Variants in MYOM2 observed in about 807,000 individuals in gnomAD.
The protein encoded by MYOM2 is myomesin 2.
MYOM2 carries 254 observed loss-of-function variants against 187.6 expected under a neutral mutation model. That is an observed-to-expected ratio of 1.35 (90% CI 1.22 to 1.50). The LOEUF is 1.50. Among genes scored for constraint, MYOM2 ranks in the 40% most tolerant of loss-of-function variants. MYOM2 has a pLI of 0.00. For missense variants in MYOM2, 2,796 were observed against 1,924.0 expected (o/e 1.45, Z -8.48); for synonymous variants, 981 against 753.8 (o/e 1.30, Z -4.94).
intron 6 of MYOM2, among the ~76,000 whole-genome samples, chr8:2,066,585 A>C (rs917801998): frequency 2.6e-5 from 4 of 152,204 alleles, no homozygotes; most frequent in African/African-American, 9.7e-5. Flanking sequence ...GTAAACAAAC[A>C]AACAAAATGC....
At chr8:2,121,024 T>G (rs1797435680) in intron 28 of MYOM2, among the ~76,000 whole-genome samples, 1 of 152,038 alleles carries the variant, frequency 6.6e-6, no homozygotes, top group African/African-American at 2.4e-5. Flanking sequence ...GAAGTGGTCT[T>G]TAGAAGTCTT....
chr8:2,128,415 T>G (rs1482670803), intron 31 of MYOM2, among the ~76,000 whole-genome samples: 5 of 152,226 alleles, frequency 3.3e-5, no homozygotes, highest in Admixed American at 6.5e-5. Context: ...TAAATCTAGT[T>G]TTCTAGGTAA....
chr8:2,077,005 A>G (rs1819447867), intron 11 of MYOM2, among the ~76,000 whole-genome samples: 1 of 152,142 alleles, frequency 6.6e-6, no homozygotes, highest in African/African-American at 2.4e-5. Context: ...TAGAAATTAG[A>G]CAGAGAGTAA....
intron 21 of MYOM2, among the ~76,000 whole-genome samples, chr8:2,104,848 C>T (rs925908563): frequency 1.3e-5 from 2 of 152,158 alleles, no homozygotes; most frequent in Non-Finnish European, 2.9e-5. Context: ...TTTAACCAAC[C>T]AGCAGCCGTG....
rs756164525 is a variant in MYOM2 at position 2,078,691 on chromosome 8, C to G, written c.1263-43C>G. The G allele has an allele frequency of 3.8e-6, 6 of 1,592,774 alleles. No individual in the cohort carries two copies. The South Asian group carries it at 6.6e-5, about 18-fold the overall frequency. On this transcript the variant is annotated intron_variant, in intron 11 of 36. Coordinates refer to ENST00000262113, the MANE Select transcript of MYOM2 (RefSeq NM_003970.4). ...TACCTATGTATATTTAGTAGGTTGC[C>G]ACATTTGCTATTCTCTGTTGTTTTT...
intron 32 of MYOM2, among the ~76,000 whole-genome samples, chr8:2,134,257 C>T (rs980510391): frequency 2.6e-5 from 4 of 152,030 alleles, no homozygotes; most frequent in African/African-American, 7.3e-5. Flanking sequence ...AGGCTCTCCT[C>T]GTCTCTCTCG....
intron 11 of MYOM2, among the ~76,000 whole-genome samples, chr8:2,077,591 T>C (rs1024897619): frequency 2.0e-5 from 3 of 152,148 alleles, no homozygotes; most frequent in Non-Finnish European, 4.4e-5. Context: ...GTTCCGGGCT[T>C]ACCTTGAATT....
At chr8:2,135,863 C>T (rs1798050974) in intron 32 of MYOM2, among the ~76,000 whole-genome samples, 1 of 152,152 alleles carries the variant, frequency 6.6e-6, no homozygotes, top group African/African-American at 2.4e-5. Context: ...TTTTTGAGCA[C>T]TAGGACGTGT....
intron 24 of MYOM2, 29 bp from the exon 25 acceptor site, chr8:2,109,366 T>C (rs1420648640): frequency 2.5e-6 from 4 of 1,581,540 alleles, no homozygotes; most frequent in Non-Finnish European, 3.4e-6. Context: ...TCATGCATTA[T>C]TGACTTGCGA....
chr8:2,092,787 G>C (rs1461244028), intron 16 of MYOM2, among the ~76,000 whole-genome samples: 1 of 152,090 alleles, frequency 6.6e-6, no homozygotes, highest in East Asian at 1.9e-4. Flanking sequence ...GACATAATTA[G>C]CACTTAGGCC....
chr8:2,078,935 T>C lies in MYOM2; in HGVS notation c.1462+2T>C. 2 of 1,613,350 alleles carry C rather than the reference T, an allele frequency of 1.2e-6. No individual in the cohort carries two copies. Among genetic ancestry groups the C allele is most frequent in the Non-Finnish European group, 1.7e-6 (2 of 1,179,566 alleles). ...CCTTGGACCTCAGAAGGTTACAAGG[T>C]AAGCTGCTCACGCCTAAGTATCCAC... On this transcript the variant is annotated splice_donor_variant, in intron 12 of 36. Transcript: ENST00000262113. LOFTEE classifies it high-confidence loss of function.
At chr8:2,130,363 G>A (rs1482617461) in intron 32 of MYOM2, among the ~76,000 whole-genome samples, 4 of 109,248 alleles carry the variant, frequency 3.7e-5, no homozygotes, top group East Asian at 6.8e-4. Flanking sequence ...TTTAGTTAAC[G>A]CCCCTCACTA....
At chr8:2,058,946 C>G (rs1298505428) in intron 5 of MYOM2, among the ~76,000 whole-genome samples, 1 of 152,226 alleles carries the variant, frequency 6.6e-6, no homozygotes, top group Admixed American at 6.5e-5. Flanking sequence ...CCCTGAGAGT[C>G]TGAACGAGGA....
chr8:2,095,884 G>A (rs1055780591), intron 17 of MYOM2, among the ~76,000 whole-genome samples: 4 of 152,190 alleles, frequency 2.6e-5, no homozygotes, highest in Non-Finnish European at 5.9e-5. Context: ...CCTTATGGTT[G>A]TAAAAGTGAA....
At chr8:2,088,172 C>G (rs1796161819) in intron 14 of MYOM2, among the ~76,000 whole-genome samples, 1 of 152,050 alleles carries the variant, frequency 6.6e-6, no homozygotes, top group African/African-American at 2.4e-5. Flanking sequence ...ATACGCTGCA[C>G]CATATTTGTT....
intron 32 of MYOM2, among the ~76,000 whole-genome samples, chr8:2,133,648 A>G (rs1287584390): frequency 6.6e-6 from 1 of 152,102 alleles, no homozygotes; most frequent in African/African-American, 2.4e-5. Flanking sequence ...TTTAGTAGAG[A>G]TGGGGTTTCA....
intron 20 of MYOM2, chr8:2,102,223 T>C (rs1229148139): frequency 6.5e-6 from 1 of 154,806 alleles, no homozygotes; most frequent in African/African-American, 2.4e-5. Context: ...TAAATATATA[T>C]AGATGTTTAT....
intron 8 of MYOM2, among the ~76,000 whole-genome samples, chr8:2,070,302 G>A (rs1373727914): frequency 1.3e-5 from 2 of 152,388 alleles, no homozygotes; most frequent in Non-Finnish European, 1.5e-5. Context: ...TCTGGGCCAC[G>A]TGCTGGGAGT....
chr8:2,115,627 A>G (rs1797214239), intron 25 of MYOM2, among the ~76,000 whole-genome samples: 1 of 152,196 alleles, frequency 6.6e-6, no homozygotes, highest in South Asian at 2.1e-4. Context: ...GTTATCATTC[A>G]TATCAATTGC....
Sources: gnomAD v4.1 joint callset for allele counts (sites outside exome capture counted in the v4.1 genomes callset) on GRCh38, gnomAD v4.1.1 for gene constraint, MANE v1.5 for transcripts, NCBI Gene and HGNC (gene_info 2026-07-23, HGNC 2026-07-21) for gene names.